EML6: variants seen among roughly 807,000 people sequenced by gnomAD.
EML6 encodes EMAP like 6, also known as echinoderm microtubule-associated protein-like 6.
Under a neutral mutation model 240.1 loss-of-function variants are expected in EML6, and 154 were observed. The observed-to-expected ratio is 0.64, with a 90% CI of 0.56 to 0.73. The LOEUF is 0.73. Among genes scored for constraint, EML6 ranks in the 30% least tolerant of loss-of-function variants. EML6 has a pLI of 0.00. For synonymous variants in EML6, 1,148 were observed against 899.0 expected (o/e 1.28, Z -4.95); for missense variants, 2,964 against 2,474.6 (o/e 1.20, Z -4.20).
chr2:54,862,370 C>T (rs1253543506), intron 12 of EML6, among the ~76,000 whole-genome samples: 2 of 128,104 alleles, frequency 1.6e-5, no homozygotes, highest in Admixed American at 7.9e-5. Context: ...AAAAAACTTT[C>T]TCTGAAGAGT....
At chr2:54,829,679 C>G (rs548808927) in intron 7 of EML6, among the ~76,000 whole-genome samples, 1 of 152,322 alleles carries the variant, frequency 6.6e-6, no homozygotes, top group South Asian at 2.1e-4. Flanking sequence ...AGCAATGCTG[C>G]AGCCAAAATA....
chr2:54,736,355 G>A (rs1434146316), intron 2 of EML6, among the ~76,000 whole-genome samples: 3 of 152,332 alleles, frequency 2.0e-5, no homozygotes, highest in African/African-American at 7.2e-5. Context: ...GCGTGGCATT[G>A]TGCATGGGGA....
chr2:54,961,185 T>TTGTTTTTTTTTTTTTTTTTTTTTTTG (rs1491471475), intron 35 of EML6, among the ~76,000 whole-genome samples: 3 of 62,378 alleles, frequency 4.8e-5, no homozygotes, highest in Non-Finnish European at 9.3e-5. Flanking sequence ...CAGGAAGTAG[T>TTGTTTTTTTTTTTTTTTTTTTTTTTG]TTTTTTTTTT....
At position 54,893,130 on chromosome 2, in the gene EML6, G is replaced by A. The variant is rs537772816; in HGVS notation, c.2742+474G>A. On this transcript the variant is annotated intron_variant, in intron 19 of 41. Coordinates refer to ENST00000356458, the MANE Select transcript of EML6 (RefSeq NM_001039753.4). ...AGGCTCAGCTTTAACAAGAGTGTTA[G>A]AGTGAAGGCTGTTCATTGGCCATAT... Among the ~76,000 whole-genome samples, 5 of 152,286 alleles carry A rather than the reference G, an allele frequency of 3.3e-5. No homozygotes were observed. The South Asian group carries it at 1.0e-3, about 32-fold the overall frequency.
intron 2 of EML6, among the ~76,000 whole-genome samples, chr2:54,782,726 T>C (rs1668906264): frequency 6.6e-6 from 1 of 151,954 alleles, no homozygotes; most frequent in African/African-American, 2.4e-5. Context: ...TGCTTTAGTA[T>C]TCCTACCCTC....
intron 26 of EML6, among the ~76,000 whole-genome samples, chr2:54,925,210 C>T (rs1187034824): frequency 4.6e-5 from 7 of 152,132 alleles, no homozygotes; most frequent in Non-Finnish European, 8.8e-5. Flanking sequence ...CCCGCTCTTC[C>T]TGTGAGCACA....
chr2:54,899,572 A>T, intron 21 of EML6, 69 bp from the exon 22 acceptor site: 1 of 1,464,134 alleles, frequency 6.8e-7, no homozygotes, highest in Admixed American at 2.2e-5. Context: ...AATATGTAGC[A>T]CCAGGCTAAA....
rs116415146 is a variant in EML6 at position 54,944,689 on chromosome 2, A to G, written c.4005-4193A>G. 2.7e-3 allele frequency among the ~76,000 whole-genome samples: 418 copies of G among 152,192 alleles called. 2 individuals are homozygous for G. Among genetic ancestry groups the G allele is most frequent in the African/African-American group, 9.7e-3 (401 of 41,476 alleles). ...TGTGTGATAGGCTTCAGTCAAGAGC[A>G]TTTTCAAGAGGGTAGGCTTCTTTCA... is the stretch of plus-strand genomic sequence containing the variant. On this transcript the variant is annotated intron_variant, in intron 28 of 41. Transcript: ENST00000356458.
At chr2:54,913,853 T>C (rs550182157) in intron 25 of EML6, among the ~76,000 whole-genome samples, 1 of 152,136 alleles carries the variant, frequency 6.6e-6, no homozygotes, top group Non-Finnish European at 1.5e-5. Context: ...AATGTAGGGG[T>C]CCAGTTTCGT....
chr2:54,907,540 T>C (rs965727859), intron 24 of EML6, among the ~76,000 whole-genome samples: 1 of 152,140 alleles, frequency 6.6e-6, no homozygotes, highest in Non-Finnish European at 1.5e-5. Context: ...ATTTGAGCCA[T>C]AATAGGACAT....
chr2:54,783,233 T>G (rs1243286861), intron 2 of EML6, among the ~76,000 whole-genome samples: 2 of 152,340 alleles, frequency 1.3e-5, no homozygotes, highest in South Asian at 2.1e-4. Context: ...TAAGAAATTA[T>G]TCATATTCCA....
chr2:54,805,464 G>T (rs993397913), intron 2 of EML6, among the ~76,000 whole-genome samples: 1 of 152,086 alleles, frequency 6.6e-6, no homozygotes, highest in Non-Finnish European at 1.5e-5. Flanking sequence ...GCAACACTTG[G>T]TATTATCAGT....
intron 7 of EML6, among the ~76,000 whole-genome samples, chr2:54,839,178 G>A (rs1266944746): frequency 6.6e-6 from 1 of 152,172 alleles, no homozygotes; most frequent in East Asian, 1.9e-4. Flanking sequence ...AACTTTGTCA[G>A]GGATCTGCCA....
In EML6 at chr2:54,854,510, C is replaced by T. The variant is rs148193376; in HGVS notation, c.1657+655C>T. On this transcript the variant is annotated intron_variant, in intron 11 of 41. Coordinates refer to ENST00000356458, the MANE Select transcript of EML6 (RefSeq NM_001039753.4). ...CTTCCTTTGCAAGTTTAGGCAAAGC[C>T]CATATTCAGGCTCTTCTGAGACTCC... Among the ~76,000 whole-genome samples the T allele has an allele frequency of 5.4e-4, 83 of 152,308 alleles. 1 individual carries two copies. Among genetic ancestry groups the T allele is most frequent in the African/African-American group, 1.9e-3 (81 of 41,572 alleles).
chr2:54,964,717 A>G lies in EML6; in HGVS notation c.5477A>G (p.Asp1826Gly), dbSNP rs1676674952. Reference protein sequence around the residue: ...SFVIQMDFSADGKYIQVSTGA... With the variant: ...SFVIQMDFSAGGKYIQVSTGA... ...GTCATTCAGATGGATTTTTCTGCGG[A>G]TGGCAAATACATTCAGGTATGCTTG... The change falls in exon 38 of 42, where the codon GAT becomes GGT. Residue 1826 changes from aspartate (D) to glycine (G), a missense_variant. Coordinates refer to ENST00000356458, the MANE Select transcript of EML6 (RefSeq NM_001039753.4). 1 of 1,551,932 alleles carries G rather than the reference A, an allele frequency of 6.4e-7. No individual in the cohort carries two copies. The highest frequency in any genetic ancestry group is 8.7e-7 in the Non-Finnish European group (1 of 1,147,046).
chr2:54,857,381 CAT>C (rs1000975546), intron 11 of EML6, among the ~76,000 whole-genome samples: 2 of 152,086 alleles, frequency 1.3e-5, no homozygotes, highest in Admixed American at 6.5e-5. Context: ...CTGGTGGAGT[CAT>C]TCAGTGTCCC....
intron 26 of EML6, among the ~76,000 whole-genome samples, chr2:54,927,256 ACAGGG>A (rs1674599370): frequency 6.6e-6 from 1 of 152,190 alleles, no homozygotes; most frequent in Non-Finnish European, 1.5e-5. Flanking sequence ...TTGGCCAAAT[ACAGGG>A]CGATCTTGAC....
intron 7 of EML6, among the ~76,000 whole-genome samples, chr2:54,835,166 A>G (rs1271125184): frequency 1.3e-5 from 2 of 152,188 alleles, no homozygotes; most frequent in South Asian, 2.1e-4. Context: ...ATTGCAACTC[A>G]TTCTGCCTCT....
chr2:54,772,684 G>A (rs1266996944), intron 2 of EML6, among the ~76,000 whole-genome samples: 1 of 152,158 alleles, frequency 6.6e-6, no homozygotes, highest in East Asian at 1.9e-4. Context: ...AACAGTAGAT[G>A]GGAGAGGTCA....
Sources: gnomAD v4.1 joint callset for allele counts (sites outside exome capture counted in the v4.1 genomes callset) on GRCh38, gnomAD v4.1.1 for gene constraint, MANE v1.5 for transcripts, NCBI Gene and HGNC (gene_info 2026-07-23, HGNC 2026-07-21) for gene names.